The following MAN1A1 variants were observed in gnomAD, a reference collection of about 807,000 sequenced individuals.
The protein encoded by MAN1A1 is mannosyl-oligosaccharide 1,2-alpha-mannosidase IA.
MAN1A1 carries 29 observed loss-of-function variants against 70.8 expected under a neutral mutation model. The observed-to-expected ratio is 0.41, with a 90% CI of 0.31 to 0.56. MAN1A1 has a LOEUF of 0.56. MAN1A1 is among the 20% of genes least tolerant of loss of function. The pLI, the probability that MAN1A1 is intolerant of heterozygous loss-of-function variation, is 0.29. For missense variants in MAN1A1, 747 were observed against 841.3 expected, an observed-to-expected ratio of 0.89 and a Z score of 1.39; for synonymous variants, 349 against 330.1, an observed-to-expected ratio of 1.06 and a Z score of -0.62.
At chr6:119,279,514 C>G (rs1477242748) in intron 5 of MAN1A1, among the ~76,000 whole-genome samples, 1 of 152,230 alleles carries the variant, frequency 6.6e-6, no homozygotes, top group South Asian at 2.1e-4. Context: ...AGCCTAGACA[C>G]TGTCCAGAAC....
rs1217574379 is a variant in MAN1A1 at position 119,240,332 on chromosome 6, GA to G, written c.992+7927del. Among the ~76,000 whole-genome samples the G allele has an allele frequency of 1.1e-3, 160 of 152,062 alleles. 1 individual carries two copies. Among genetic ancestry groups the G allele is most frequent in the Admixed American group, 0.01 (159 of 15,268 alleles). On this transcript the variant is annotated intron_variant, in intron 6 of 12. Coordinates refer to ENST00000368468, the MANE Select transcript of MAN1A1 (RefSeq NM_005907.4). ...AATTGTAGAACTTTCTGAAAGTATAGAAAAATATTTTAAAATATCTAATTTA... is the reference window on the plus strand; with the variant it reads ...AATTGTAGAACTTTCTGAAAGTATAGAAAATATTTTAAAATATCTAATTTA...
chr6:119,285,137 C>CTTTTTTTTCT (rs758682829), intron 5 of MAN1A1, among the ~76,000 whole-genome samples: 1 of 70,300 alleles, frequency 1.4e-5, no homozygotes, highest in African/African-American at 5.2e-5. Context: ...AGGTAGCAGA[C>CTTTTTTTTCT]TTTTTTTTTT....
rs146317643 is a variant in MAN1A1 at position 119,185,576 on chromosome 6, G to GTT, written c.1719+2827_1719+2828dup. ...CTGACCATAATTTCAATATAAGCCAGTTTTTCTTTATTTTTTTGGAGTTGG... is the reference window on the plus strand; with the variant it reads ...CTGACCATAATTTCAATATAAGCCAGTTTTTTTCTTTATTTTTTTGGAGTTGG... On this transcript the variant is annotated intron_variant, in intron 11 of 12. Coordinates refer to ENST00000368468, the MANE Select transcript of MAN1A1 (RefSeq NM_005907.4). 3.4e-4 allele frequency among the ~76,000 whole-genome samples: 51 copies of GTT among 151,890 alleles called. No homozygotes were observed. The East Asian group carries it at 5.7e-3, about 17-fold the overall frequency.
chr6:119,276,427 T>G (rs990504215), intron 5 of MAN1A1, among the ~76,000 whole-genome samples: 2 of 152,162 alleles, frequency 1.3e-5, no homozygotes, highest in African/African-American at 4.8e-5. Flanking sequence ...CTTAACACAT[T>G]TGCTGAATAA....
At chr6:119,337,038 A>C (rs929870791) in intron 2 of MAN1A1, among the ~76,000 whole-genome samples, 2 of 152,214 alleles carry the variant, frequency 1.3e-5, no homozygotes, top group African/African-American at 4.8e-5. Context: ...CTTTAAAGGA[A>C]TCTCACAATC....
chr6:119,312,373 C>T (rs1389027235), intron 2 of MAN1A1, among the ~76,000 whole-genome samples: 2 of 152,126 alleles, frequency 1.3e-5, no homozygotes. Context: ...ATTGAATTAA[C>T]CTTATTTCTT....
At chr6:119,279,422 C>T (rs1159550759) in intron 5 of MAN1A1, among the ~76,000 whole-genome samples, 1 of 152,192 alleles carries the variant, frequency 6.6e-6, no homozygotes, top group South Asian at 2.1e-4. Context: ...CTTCTCCATG[C>T]TTGTACCTAA....
intron 9 of MAN1A1, among the ~76,000 whole-genome samples, chr6:119,192,096 G>C (rs886297878): frequency 1.3e-5 from 2 of 152,130 alleles, no homozygotes; most frequent in African/African-American, 2.4e-5. Flanking sequence ...TATACTAAAA[G>C]TTGTGTGGGT....
At chr6:119,254,804 C>T (rs568844830) in intron 5 of MAN1A1, among the ~76,000 whole-genome samples, 1 of 152,240 alleles carries the variant, frequency 6.6e-6, no homozygotes, top group East Asian at 1.9e-4. Flanking sequence ...ATGTAACTTG[C>T]TGAAAGAAGG....
intron 5 of MAN1A1, among the ~76,000 whole-genome samples, chr6:119,262,441 T>C (rs1214553387): frequency 1.3e-5 from 2 of 151,622 alleles, no homozygotes; most frequent in Admixed American, 1.3e-4. Context: ...CTTCATTATA[T>C]GGCTATTATA....
intron 6 of MAN1A1, among the ~76,000 whole-genome samples, chr6:119,238,872 T>C (rs1774925882): frequency 6.6e-6 from 1 of 152,148 alleles, no homozygotes; most frequent in South Asian, 2.1e-4. Flanking sequence ...AAAGTCTTCC[T>C]GAAACTGGGT....
intron 6 of MAN1A1, among the ~76,000 whole-genome samples, chr6:119,247,881 A>G (rs1255615916): frequency 6.6e-6 from 1 of 152,210 alleles, no homozygotes; most frequent in African/African-American, 2.4e-5. Context: ...CAGTAGCTGA[A>G]CTTAAATAAA....
chr6:119,328,536 A>G (rs1773219035), intron 2 of MAN1A1, among the ~76,000 whole-genome samples: 1 of 145,218 alleles, frequency 6.9e-6, no homozygotes, highest in African/African-American at 2.6e-5. Flanking sequence ...AAACAAAGTG[A>G]GTCATAAAAA....
At chr6:119,213,837 CAA>C (rs1774118995) in intron 6 of MAN1A1, among the ~76,000 whole-genome samples, 2 of 152,230 alleles carry the variant, frequency 1.3e-5, no homozygotes, top group African/African-American at 2.4e-5. Flanking sequence ...GTTTATTACT[CAA>C]GAGTTAAAAT....
chr6:119,314,515 T>C (rs975309365), intron 2 of MAN1A1, among the ~76,000 whole-genome samples: 2 of 152,194 alleles, frequency 1.3e-5, no homozygotes, highest in Admixed American at 6.5e-5. Flanking sequence ...CTGTTTTACA[T>C]ATGAAGCTGA....
intron 6 of MAN1A1, among the ~76,000 whole-genome samples, chr6:119,219,529 C>T (rs914878968): frequency 6.6e-6 from 1 of 151,508 alleles, no homozygotes; most frequent in African/African-American, 2.4e-5. Context: ...ATTAGTCCAG[C>T]AAAACATTTT....
intron 12 of MAN1A1, 113 bp from the exon 13 acceptor site, chr6:119,180,058 G>C: frequency 8.6e-7 from 1 of 1,162,698 alleles, no homozygotes; most frequent in East Asian, 2.4e-5. Context: ...AAGAAACATG[G>C]ACAAGAGTCA....
chr6:119,311,898 T>A (rs191679971), intron 2 of MAN1A1, among the ~76,000 whole-genome samples: 23 of 152,296 alleles, frequency 1.5e-4, no homozygotes, highest in African/African-American at 5.5e-4. Context: ...CTCTAAATGC[T>A]AAAAATCTGC....
chr6:119,278,232 C>T (rs1173684849), intron 5 of MAN1A1, among the ~76,000 whole-genome samples: 2 of 152,096 alleles, frequency 1.3e-5, no homozygotes, highest in African/African-American at 4.8e-5. Flanking sequence ...TTTATCTATG[C>T]AGATAAAATT....
Sources: allele counts gnomAD v4.1 joint callset (sites outside exome capture counted in the v4.1 genomes callset), GRCh38; gene constraint gnomAD v4.1.1; transcripts MANE v1.5; gene names NCBI Gene and HGNC (gene_info 2026-07-23, HGNC 2026-07-21).